Variants in RALGAPA2 observed in about 807,000 individuals in gnomAD.
The protein encoded by RALGAPA2 is ral GTPase-activating protein subunit alpha-2.
In RALGAPA2, 139 loss-of-function variants were observed where a neutral mutation model predicts 230.4. The observed-to-expected ratio is 0.60, with a 90% CI of 0.53 to 0.69. The LOEUF is 0.69. Among genes scored for constraint, RALGAPA2 ranks in the 30% least tolerant of loss-of-function variants. The pLI is 0.00. For synonymous variants in RALGAPA2, 847 were observed against 837.8 expected (o/e 1.01, Z -0.19); for missense variants, 2,163 against 2,276.0 (o/e 0.95, Z 1.01).
intron 18 of RALGAPA2, among the ~76,000 whole-genome samples, chr20:20,586,310 GT>G (rs1041896417): frequency 3.3e-5 from 5 of 152,216 alleles, no homozygotes; most frequent in Non-Finnish European, 7.3e-5. Context: ...ACCACTGCCA[GT>G]GGCAAGAGGA....
In RALGAPA2 at chr20:20,584,933, C is replaced by T; in HGVS notation, c.2462G>A (p.Ser821Asn). 1 of 1,610,620 alleles carries T rather than the reference C, an allele frequency of 6.2e-7. No homozygotes were observed. The highest frequency in any genetic ancestry group is 8.5e-7 in the Non-Finnish European group (1 of 1,178,114). The change falls in exon 19 of 40, where the codon AGC becomes AAC. Residue 821 changes from serine (S) to asparagine (N), a missense_variant. Coordinates refer to ENST00000202677, the MANE Select transcript of RALGAPA2 (RefSeq NM_020343.4). ...ATCTTTCAAATCCAATTCAGCAGGG[C>T]TGCTGCTTCTTCGAACTAAGATCTT... Reference protein sequence around the residue: ...GITILVRRSSSPAELDLKDDL... With the variant: ...GITILVRRSSNPAELDLKDDL...
intron 30 of RALGAPA2, 135 bp from the exon 31 acceptor site, chr20:20,521,235 A>C: frequency 4.7e-6 from 3 of 644,786 alleles, no homozygotes; most frequent in Non-Finnish European, 5.1e-6. Flanking sequence ...CCACTCTTAA[A>C]TATCTTCTTG....
intron 14 of RALGAPA2, among the ~76,000 whole-genome samples, chr20:20,607,739 A>G (rs1296777230): frequency 6.6e-6 from 1 of 152,210 alleles, no homozygotes; most frequent in Non-Finnish European, 1.5e-5. Context: ...GAGATGCTCT[A>G]TACTGGGGAT....
At chr20:20,707,511 G>A (rs763772920) in intron 1 of RALGAPA2, among the ~76,000 whole-genome samples, 4 of 152,104 alleles carry the variant, frequency 2.6e-5, no homozygotes, top group Non-Finnish European at 5.9e-5. Context: ...TTAAAAATGA[G>A]AGGAACAAAA....
chr20:20,582,231 C>A (rs1196324315), intron 20 of RALGAPA2, among the ~76,000 whole-genome samples: 1 of 151,198 alleles, frequency 6.6e-6, no homozygotes, highest in Non-Finnish European at 1.5e-5. Context: ...CAGACTACAC[C>A]ACACACAATA....
intron 36 of RALGAPA2, among the ~76,000 whole-genome samples, chr20:20,489,371 G>A (rs1202375701): frequency 3.3e-5 from 5 of 152,120 alleles, no homozygotes; most frequent in African/African-American, 1.2e-4. Flanking sequence ...AAGATCATTC[G>A]TGTTGCCAGG....
At chr20:20,539,755 T>A (rs1351861038) in intron 24 of RALGAPA2, among the ~76,000 whole-genome samples, 1 of 152,162 alleles carries the variant, frequency 6.6e-6, no homozygotes, top group Non-Finnish European at 1.5e-5. Context: ...CTGACAAACA[T>A]CATCCCATCT....
At position 20,547,113 on chromosome 20, in the gene RALGAPA2, C is replaced by T. The variant is rs1215809602; in HGVS notation, c.3157-281G>A. On this transcript the variant is annotated intron_variant, in intron 23 of 39. Transcript: ENST00000202677. ...CATCTGTCTTCCGTGTAAAGGTAGG[C>T]TCCTTGGACAAGCTACAGGAGTAAT... 3.9e-5 allele frequency among the ~76,000 whole-genome samples: 6 copies of T among 152,244 alleles called. No homozygotes were observed. In the South Asian group the frequency reaches 1.0e-3, roughly 26 times the overall value.
chr20:20,530,081 T>C (rs377464901), intron 27 of RALGAPA2, among the ~76,000 whole-genome samples: 1 of 152,272 alleles, frequency 6.6e-6, no homozygotes, highest in African/African-American at 2.4e-5. Flanking sequence ...TATTTCTCCA[T>C]GGCTTTGGGA....
chr20:20,693,042 T>G (rs535249299), intron 1 of RALGAPA2, among the ~76,000 whole-genome samples: 1 of 152,334 alleles, frequency 6.6e-6, no homozygotes, highest in Non-Finnish European at 1.5e-5. Flanking sequence ...ATTATAATAT[T>G]AATCCTACTT....
At chr20:20,499,904 G>GT (rs1376536192) in intron 35 of RALGAPA2, among the ~76,000 whole-genome samples, 6 of 152,072 alleles carry the variant, frequency 3.9e-5, no homozygotes, top group Non-Finnish European at 7.4e-5. Flanking sequence ...TCCGCAATAG[G>GT]TTTTTTAGAT....
intron 4 of RALGAPA2, among the ~76,000 whole-genome samples, chr20:20,649,485 T>C (rs74973517): frequency 2.6e-5 from 4 of 152,304 alleles, no homozygotes; most frequent in Non-Finnish European, 4.4e-5. Flanking sequence ...TTTTACATTA[T>C]GTATATAAAA....
At chr20:20,481,708 G>A (rs1210646077) in intron 36 of RALGAPA2, among the ~76,000 whole-genome samples, 1 of 152,200 alleles carries the variant, frequency 6.6e-6, no homozygotes, top group Non-Finnish European at 1.5e-5. Flanking sequence ...GCATACAGGT[G>A]TGAAAACTGA....
chr20:20,682,113 T>G (rs918312083), intron 1 of RALGAPA2, among the ~76,000 whole-genome samples: 21 of 152,144 alleles, frequency 1.4e-4, no homozygotes, highest in Non-Finnish European at 2.2e-4. Flanking sequence ...TAAGAGCTTT[T>G]CATGCAAAAA....
intron 1 of RALGAPA2, among the ~76,000 whole-genome samples, chr20:20,681,924 G>A (rs2146842012): frequency 6.6e-6 from 1 of 152,112 alleles, no homozygotes; most frequent in East Asian, 1.9e-4. Context: ...TTAAAATTCT[G>A]CAAGGATTAC....
intron 4 of RALGAPA2, among the ~76,000 whole-genome samples, chr20:20,650,238 T>A (rs1296945698): frequency 6.6e-6 from 1 of 152,174 alleles, no homozygotes; most frequent in Non-Finnish European, 1.5e-5. Flanking sequence ...CCGCAGATTA[T>A]CCCTTCCCTT....
intron 24 of RALGAPA2, among the ~76,000 whole-genome samples, chr20:20,542,873 C>T (rs1196270134): frequency 1.3e-5 from 2 of 152,102 alleles, no homozygotes; most frequent in Non-Finnish European, 2.9e-5. Context: ...GACCTAAACA[C>T]CAAAAGCAAT....
chr20:20,467,175 C>T (rs1055265093), intron 37 of RALGAPA2, among the ~76,000 whole-genome samples: 1 of 152,132 alleles, frequency 6.6e-6, no homozygotes, highest in Non-Finnish European at 1.5e-5. Context: ...CTCAGGGGCC[C>T]ATATTTCTCT....
chr20:20,448,911 G>A (rs1177012702), intron 37 of RALGAPA2, among the ~76,000 whole-genome samples: 1 of 150,312 alleles, frequency 6.7e-6, no homozygotes, highest in Non-Finnish European at 1.5e-5. Flanking sequence ...TTCAAGTTAC[G>A]ACTTAACAGG....
Sources: allele counts gnomAD v4.1 joint callset (sites outside exome capture counted in the v4.1 genomes callset), GRCh38; gene constraint gnomAD v4.1.1; transcripts MANE v1.5; gene names NCBI Gene and HGNC (gene_info 2026-07-23, HGNC 2026-07-21).